KIF21A: variants seen among roughly 807,000 people sequenced by gnomAD.
KIF21A encodes the protein kinesin-like protein KIF21A.
In KIF21A, 114 loss-of-function variants were observed where a neutral mutation model predicts 202.9. The observed-to-expected ratio is 0.56, with a 90% CI of 0.48 to 0.66. KIF21A has a LOEUF of 0.66. Ranked by LOEUF, KIF21A falls within the 30% of genes least tolerant of loss-of-function variation. KIF21A has a pLI of 0.00. For synonymous variants in KIF21A, 667 were observed against 670.8 expected (o/e 0.99, Z 0.09); for missense variants, 1,677 against 1,994.9 (o/e 0.84, Z 3.04).
rs888198302 is a variant in KIF21A, at chr12:39,331,618, C to T, written c.3153+72G>A. 4.0e-6 allele frequency: 4 copies of T among 1,002,426 alleles called. No individual in the cohort carries two copies. The African/African-American group carries it at 4.7e-5, about 12-fold the overall frequency. The allele number at this position is 1,002,426 out of a possible 1,614,324, so 62.1% of individuals were successfully genotyped here. On this transcript the variant is annotated intron_variant, in intron 22 of 37. Transcript: ENST00000361418. ...CTTATTACAAAGCAAAGGGTTACTA[C>T]AGAAAGATAAATAAAACTACAATGA...
rs536322904 is a variant in KIF21A, at chr12:39,406,547, G to C, written c.45-36286C>G. ...CAAAATGTTCACTCCCTCCTGTGAA[G>C]GAACAAAGCCTGTGTTCTAGGTCAT... On this transcript the variant is annotated intron_variant, in intron 1 of 37. Coordinates refer to ENST00000361418, the MANE Select transcript of KIF21A (RefSeq NM_001173464.2). Among the ~76,000 whole-genome samples, 318 of 152,266 alleles carry C rather than the reference G, an allele frequency of 2.1e-3. 1 individual carries two copies. The highest frequency in any genetic ancestry group is 7.4e-4 in the Non-Finnish European group (50 of 68,010).
In KIF21A at chr12:39,314,585, A is replaced by C. The variant is rs190937595; in HGVS notation, c.3959+644T>G. 8.6e-5 allele frequency among the ~76,000 whole-genome samples: 13 copies of C among 151,998 alleles called. 1 individual carries two copies. The highest frequency in any genetic ancestry group is 3.1e-4 in the African/African-American group (13 of 41,562). ...TGTTAACAGCCTAAGAGCTATTTTC[A>C]ATGTGCATTTAATAACAAATCTTCT... On this transcript the variant is annotated intron_variant, in intron 31 of 37. Transcript: ENST00000361418.
At chr12:39,404,072 T>G (rs993166054) in intron 1 of KIF21A, among the ~76,000 whole-genome samples, 1 of 152,208 alleles carries the variant, frequency 6.6e-6, no homozygotes, top group Non-Finnish European at 1.5e-5. Flanking sequence ...AGATTCTTTT[T>G]TATTTTTATT....
At chr12:39,322,595 G>C in intron 27 of KIF21A, 73 bp downstream of exon 27, 1 of 1,103,630 alleles carries the variant, frequency 9.1e-7, no homozygotes, top group Non-Finnish European at 1.3e-6. Flanking sequence ...ATAGAAATAA[G>C]AAATTAGCAA....
intron 10 of KIF21A, 31 bp from the exon 11 acceptor site, chr12:39,352,011 G>C: frequency 6.7e-7 from 1 of 1,489,154 alleles, no homozygotes. Flanking sequence ...TAAATAGGGA[G>C]CATTTTTCTC....
chr12:39,338,929 A>G (rs1472696728), intron 16 of KIF21A, among the ~76,000 whole-genome samples: 1 of 152,198 alleles, frequency 6.6e-6, no homozygotes, highest in South Asian at 2.1e-4. Flanking sequence ...AAAAAATGCA[A>G]TATCTGCAAA....
Position 39,366,595 on chromosome 12 carries a change from C to T in KIF21A, c.736-78G>A, listed in dbSNP as rs992271200. 18 of 1,061,700 alleles carry T rather than the reference C, an allele frequency of 1.7e-5. No homozygotes were observed. In the Admixed American group the frequency reaches 2.8e-4, roughly 17 times the overall value. The allele number at this position is 1,061,700 out of a possible 1,614,324, so 65.8% of individuals were successfully genotyped here. A position where few individuals can be genotyped will look rare whatever the true frequency, so the allele number is the denominator to read the frequency against. ...CCTCCTAACCTACCTTGCGCTTATC[C>T]CATGTACACATATAGGCACAACCAA... On this transcript the variant is annotated intron_variant, in intron 5 of 37. Coordinates refer to ENST00000361418, the MANE Select transcript of KIF21A (RefSeq NM_001173464.2).
chr12:39,418,611 C>T (rs1043124651), intron 1 of KIF21A, among the ~76,000 whole-genome samples: 1 of 152,134 alleles, frequency 6.6e-6, no homozygotes, highest in Non-Finnish European at 1.5e-5. Context: ...TCAGAATGTT[C>T]CTCTATGAAT....
rs1024198839 is a variant in KIF21A, at chr12:39,346,479, G to T, written c.1699C>A (p.Arg567=). 6.8e-7 allele frequency: 1 copy of T among 1,472,214 alleles called. No homozygotes were observed. Among genetic ancestry groups the T allele is most frequent in the Non-Finnish European group, 9.0e-7 (1 of 1,114,786 alleles). 91.2% of individuals were successfully genotyped at this position (1,472,214 alleles called of 1,614,324 possible). A position where few individuals can be genotyped will look rare whatever the true frequency, so the allele number is the denominator to read the frequency against. ...AAATATTCCAACCTTCTTTCTTCTC[G>T]ATTGCTTTCCTCAAGTTTCTGTAGC... ...KRLQKLEESN[R]EERSVAGKED... is the part of the protein sequence containing the mutation. Residue 567 remains arginine, a synonymous_variant, in exon 12 of 38, where the codon CGA becomes AGA. Transcript: ENST00000361418.
intron 1 of KIF21A, among the ~76,000 whole-genome samples, chr12:39,440,923 G>A (rs1249711503): frequency 1.3e-5 from 2 of 152,046 alleles, no homozygotes; most frequent in Non-Finnish European, 2.9e-5. Context: ...GCTGAGATTA[G>A]AGGATTGCTT....
chr12:39,330,388 C>CACTTAAAAATAA, intron 23 of KIF21A, 126 bp from the exon 24 acceptor site: 1 of 830,812 alleles, frequency 1.2e-6, no homozygotes, highest in Non-Finnish European at 2.0e-6. Context: ...CCATAGCAAA[C>CACTTAAAAATAA]ACTTATAAGT....
intron 34 of KIF21A, among the ~76,000 whole-genome samples, chr12:39,306,966 C>G (rs1943530714): frequency 6.6e-6 from 1 of 152,046 alleles, no homozygotes; most frequent in African/African-American, 2.4e-5. Flanking sequence ...AACTAGAAAA[C>G]AAGCTAACAT....
chr12:39,379,082 A>G (rs1950444054), intron 1 of KIF21A, among the ~76,000 whole-genome samples: 1 of 152,168 alleles, frequency 6.6e-6, no homozygotes, highest in African/African-American at 2.4e-5. Flanking sequence ...CTGTAATCCC[A>G]GCACTTTGGG....
At position 39,442,417 on chromosome 12, in the gene KIF21A, G is replaced by A. The variant is rs1007387631; in HGVS notation, c.44+510C>T. Among the ~76,000 whole-genome samples the A allele has an allele frequency of 6.6e-6, 1 of 152,192 alleles. No homozygotes were observed. The highest frequency in any genetic ancestry group is 1.5e-5 in the Non-Finnish European group (1 of 68,028). On this transcript the variant is annotated intron_variant, in intron 1 of 37. Coordinates refer to ENST00000361418, the MANE Select transcript of KIF21A (RefSeq NM_001173464.2). The surrounding 1 kb of genome is among the most constrained non-coding windows in gnomAD (Gnocchi z 5.0). Reference sequence around the variant, plus strand: ...TGCACAGACATCAGAACCCGAGTGGGCGCGCGGCGGGCCCTGCGGTCGCCG... The same window carrying A: ...TGCACAGACATCAGAACCCGAGTGGACGCGCGGCGGGCCCTGCGGTCGCCG...
intron 1 of KIF21A, among the ~76,000 whole-genome samples, chr12:39,441,676 A>AAAAC (rs1555208056): frequency 1.2e-4 from 16 of 137,312 alleles, no homozygotes; most frequent in African/African-American, 4.2e-4. Flanking sequence ...AAAAAAAAAA[A>AAAAC]AAAACACTTA....
intron 1 of KIF21A, among the ~76,000 whole-genome samples, chr12:39,371,774 A>AG (rs1180564538): frequency 6.6e-6 from 1 of 152,020 alleles, no homozygotes; most frequent in Admixed American, 6.6e-5. Flanking sequence ...TGCTAAAAAT[A>AG]GAAAAATTAG....
At chr12:39,313,989 A>G (rs887988239) in intron 31 of KIF21A, among the ~76,000 whole-genome samples, 5 of 151,798 alleles carry the variant, frequency 3.3e-5, no homozygotes, top group African/African-American at 1.2e-4. Flanking sequence ...AGGATACAAC[A>G]GCATAATTTA....
chr12:39,377,633 T>C (rs1950349138), intron 1 of KIF21A, among the ~76,000 whole-genome samples: 1 of 152,098 alleles, frequency 6.6e-6, no homozygotes, highest in African/African-American at 2.4e-5. Flanking sequence ...GAAATTCCTC[T>C]CCCTAAAATG....
chr12:39,364,221 A>C (rs1056594247), intron 6 of KIF21A, among the ~76,000 whole-genome samples: 3 of 152,152 alleles, frequency 2.0e-5, no homozygotes, highest in African/African-American at 7.2e-5. Flanking sequence ...TGACTTTGTT[A>C]GGAAAAATAG....
Sources: gnomAD v4.1 joint callset for allele counts (sites outside exome capture counted in the v4.1 genomes callset) on GRCh38, gnomAD v4.1.1 for gene constraint, Gnocchi (gnomAD v3.1) non-coding constraint, MANE v1.5 for transcripts, NCBI Gene and HGNC (gene_info 2026-07-23, HGNC 2026-07-21) for gene names.